SOX5: variants seen among roughly 807,000 people sequenced by gnomAD.
SOX5 encodes transcription factor SOX-5.
A neutral mutation model predicts 92.0 loss-of-function variants in SOX5; 9 were observed. That is an observed-to-expected ratio of 0.10 (90% CI 0.06 to 0.17). The LOEUF (loss-of-function observed/expected upper bound fraction) is 0.17, where lower values mean the gene tolerates loss of function less well. Among genes scored for constraint, SOX5 ranks in the 10% least tolerant of loss-of-function variants. The probability of loss-of-function intolerance (pLI) is 1.00; values close to 1 mark genes in which losing one functional copy is unlikely to be tolerated. For synonymous variants in SOX5, 344 were observed against 336.3 expected (o/e 1.02, Z -0.25); for missense variants, 642 against 944.5 (o/e 0.68, Z 4.20).
Position 23,578,144 on chromosome 12 carries a change from A to AAAAAAAAAAAAAAAAAAAAAAAAG in SOX5, c.1165-2307_1165-2306insCTTTTTTTTTTTTTTTTTTTTTTT, listed in dbSNP as rs1432589481. ...AAAAAAAAAAAAAAAAAAAAAAAAA[A>AAAAAAAAAAAAAAAAAAAAAAAAG]AAAAAACTATAGGGGCAATATTATC... On this transcript the variant is annotated intron_variant, in intron 9 of 14. Coordinates refer to ENST00000451604, the MANE Select transcript of SOX5 (RefSeq NM_006940.6). Among the ~76,000 whole-genome samples, 6 of 134,906 alleles carry AAAAAAAAAAAAAAAAAAAAAAAAG rather than the reference A, an allele frequency of 4.4e-5. 1 individual carries two copies. The highest frequency in any genetic ancestry group is 8.1e-5 in the Non-Finnish European group (5 of 61,724). 88.5% of individuals were successfully genotyped at this position (134,906 alleles called of 152,430 possible).
chr12:24,350,779 G>T (rs979312247), intron 2 of SOX5, among the ~76,000 whole-genome samples: 1 of 152,184 alleles, frequency 6.6e-6, no homozygotes, highest in African/African-American at 2.4e-5. Context: ...AAGGCTAGGT[G>T]CAGTGGTTCA....
chr12:23,958,948 G>C (rs1569267266), intron 4 of SOX5, among the ~76,000 whole-genome samples: 1 of 151,702 alleles, frequency 6.6e-6, no homozygotes, highest in African/African-American at 2.4e-5. Context: ...ATGGGGAAAA[G>C]ACCCCATTAG....
intron 4 of SOX5, among the ~76,000 whole-genome samples, chr12:24,114,267 C>T (rs1165548549): frequency 6.6e-6 from 1 of 151,830 alleles, no homozygotes; most frequent in South Asian, 2.1e-4. Flanking sequence ...TTAAAAAAAT[C>T]TTAAATTAAA....
chr12:23,991,154 GAC>G (rs1950515451), intron 4 of SOX5, among the ~76,000 whole-genome samples: 1 of 149,080 alleles, frequency 6.7e-6, no homozygotes, highest in African/African-American at 2.5e-5. Context: ...AGGAGTTCAA[GAC>G]CAGCCTGGGC....
At position 23,538,806 on chromosome 12, in the gene SOX5, T is replaced by C. The variant is rs1049706552; in HGVS notation, c.1772-2137A>G. On this transcript the variant is annotated intron_variant, in intron 13 of 14. Coordinates refer to ENST00000451604, the MANE Select transcript of SOX5 (RefSeq NM_006940.6). ...AAACGAAACCAGCATTTTCTTTTTT[T>C]TTTTTTTTTTTTGAGACAGAGTCTT... is the stretch of plus-strand genomic sequence containing the variant. Among the ~76,000 whole-genome samples, 165 of 148,380 alleles carry C rather than the reference T, an allele frequency of 1.1e-3. 2 individuals are homozygous for C. Among genetic ancestry groups the C allele is most frequent in the Non-Finnish European group, 1.4e-3 (96 of 67,088 alleles).
At chr12:23,685,304 G>A (rs996389936) in intron 6 of SOX5, among the ~76,000 whole-genome samples, 2 of 151,878 alleles carry the variant, frequency 1.3e-5, no homozygotes, top group African/African-American at 2.4e-5. Context: ...ATAATCTCAC[G>A]GTTAGAGAAA....
At chr12:24,335,322 TA>T (rs925755426) in intron 2 of SOX5, among the ~76,000 whole-genome samples, 4 of 152,184 alleles carry the variant, frequency 2.6e-5, no homozygotes, top group African/African-American at 9.7e-5. Flanking sequence ...ATTACACAAT[TA>T]AAAAAATCTC....
chr12:24,368,866 T>C (rs1407040984), intron 1 of SOX5, among the ~76,000 whole-genome samples: 2 of 152,228 alleles, frequency 1.3e-5, no homozygotes, highest in East Asian at 1.9e-4. Context: ...TAAATGGTTA[T>C]TATATTACAT....
chr12:23,593,918 C>T (rs1951952372), intron 9 of SOX5, among the ~76,000 whole-genome samples: 1 of 152,004 alleles, frequency 6.6e-6, no homozygotes, highest in Non-Finnish European at 1.5e-5. Flanking sequence ...AAAAACCACA[C>T]TAATCAGAAA....
intron 6 of SOX5, among the ~76,000 whole-genome samples, chr12:23,729,026 G>C (rs966825288): frequency 3.3e-5 from 5 of 151,586 alleles, no homozygotes; most frequent in Non-Finnish European, 7.4e-5. Context: ...GCCATGTAAA[G>C]TATATTCTTT....
intron 4 of SOX5, among the ~76,000 whole-genome samples, chr12:24,005,033 T>G (rs988578233): frequency 6.6e-6 from 1 of 152,250 alleles, no homozygotes; most frequent in East Asian, 1.9e-4. Flanking sequence ...TATTGTATGA[T>G]TCCAATTATA....
intron 6 of SOX5, among the ~76,000 whole-genome samples, chr12:23,676,271 T>C (rs1003015268): frequency 6.6e-6 from 1 of 152,162 alleles, no homozygotes; most frequent in Non-Finnish European, 1.5e-5. Context: ...TTAATTTACT[T>C]GACTGCAATA....
chr12:24,036,223 A>G (rs1348512428), intron 4 of SOX5, among the ~76,000 whole-genome samples: 1 of 152,106 alleles, frequency 6.6e-6, no homozygotes, highest in African/African-American at 2.4e-5. Context: ...TATGAATAGG[A>G]TGCTGACTTT....
intron 2 of SOX5, among the ~76,000 whole-genome samples, chr12:23,894,662 T>G (rs2137657252): frequency 6.6e-6 from 1 of 152,304 alleles, no homozygotes; most frequent in East Asian, 1.9e-4. Flanking sequence ...TACACAGCTA[T>G]CAGAAGATAA....
chr12:24,274,948 C>G (rs1358893190), intron 3 of SOX5, among the ~76,000 whole-genome samples: 2 of 152,102 alleles, frequency 1.3e-5, no homozygotes, highest in Non-Finnish European at 2.9e-5. Context: ...TTGAACTGCC[C>G]TAAGCTAAAA....
At chr12:23,914,549 G>T (rs2097391791) in intron 1 of SOX5, among the ~76,000 whole-genome samples, 1 of 151,938 alleles carries the variant, frequency 6.6e-6, no homozygotes, top group African/African-American at 2.4e-5. Flanking sequence ...TGAATTAGAG[G>T]GAAGAGGCAC....
chr12:23,866,824 A>G (rs2096820169), intron 2 of SOX5, among the ~76,000 whole-genome samples: 1 of 151,982 alleles, frequency 6.6e-6, no homozygotes, highest in Non-Finnish European at 1.5e-5. Context: ...GCATATAAAG[A>G]CCTCATTTCT....
At chr12:24,473,631 T>C (rs1184101598) in intron 1 of SOX5, among the ~76,000 whole-genome samples, 3 of 152,254 alleles carry the variant, frequency 2.0e-5, no homozygotes, top group Non-Finnish European at 4.4e-5. Flanking sequence ...CCAAAACATA[T>C]AGTTCAATTG....
chr12:23,726,120 AGAGAGAGAGAGAGAGAGAGAGAGAGAGAG>A (rs2093104676), intron 6 of SOX5, among the ~76,000 whole-genome samples: 8 of 3,954 alleles, frequency 2.0e-3, no homozygotes, highest in Non-Finnish European at 4.0e-3. Flanking sequence ...TACATCCCCG[AGAGAGAGAGAGAGAGAGAGAGAGAGAGAG>A]AGAGAGAGAG....
Sources: allele counts gnomAD v4.1 joint callset (sites outside exome capture counted in the v4.1 genomes callset), GRCh38; gene constraint gnomAD v4.1.1; transcripts MANE v1.5; gene names NCBI Gene and HGNC (gene_info 2026-07-23, HGNC 2026-07-21).